Variants in MAD1L1 observed in about 807,000 individuals in gnomAD.
MAD1L1 encodes the protein mitotic spindle assembly checkpoint protein MAD1.
A neutral mutation model predicts 96.9 loss-of-function variants in MAD1L1; 95 were observed. The ratio of observed to expected loss-of-function variants is 0.98; its 90% CI spans 0.83 to 1.16. The LOEUF is 1.16. Among genes scored for constraint, MAD1L1 ranks in the 50% most tolerant of loss-of-function variants. MAD1L1 has a pLI of 0.00. For missense variants in MAD1L1, 1,007 were observed against 954.4 expected (o/e 1.06, Z -0.73); for synonymous variants, 473 against 396.6 (o/e 1.19, Z -2.29).
intron 16 of MAD1L1, among the ~76,000 whole-genome samples, chr7:1,954,894 C>T (rs1779659413): frequency 6.6e-6 from 1 of 152,072 alleles, no homozygotes; most frequent in African/African-American, 2.4e-5. Flanking sequence ...GCCCCTTCAG[C>T]GACACAAGGG....
intron 10 of MAD1L1, among the ~76,000 whole-genome samples, chr7:2,182,903 TA>T (rs1379680813): frequency 3.3e-5 from 5 of 152,142 alleles, no homozygotes; most frequent in Non-Finnish European, 1.5e-5. Flanking sequence ...ACAAATATAC[TA>T]AAAACCACCA....
intron 18 of MAD1L1, among the ~76,000 whole-genome samples, chr7:1,830,433 T>G (rs1204280905): frequency 6.6e-6 from 1 of 152,058 alleles, no homozygotes; most frequent in African/African-American, 2.4e-5. Flanking sequence ...AACATGGGCC[T>G]ACACAAGAAG....
At chr7:1,857,600 G>A (rs923802002) in intron 18 of MAD1L1, among the ~76,000 whole-genome samples, 3 of 152,256 alleles carry the variant, frequency 2.0e-5, no homozygotes, top group Non-Finnish European at 4.4e-5. Flanking sequence ...TGGGCCCGAG[G>A]ATGAGCCCCT....
intron 12 of MAD1L1, among the ~76,000 whole-genome samples, chr7:2,028,683 C>T (rs1459342862): frequency 6.6e-6 from 1 of 152,084 alleles, no homozygotes; most frequent in Non-Finnish European, 1.5e-5. Flanking sequence ...CTAACATTCT[C>T]AGGAATTGAA....
chr7:1,989,819 C>T (rs1445913576), intron 14 of MAD1L1, among the ~76,000 whole-genome samples: 1 of 152,236 alleles, frequency 6.6e-6, no homozygotes, highest in Non-Finnish European at 1.5e-5. Context: ...CCTCTGCCTA[C>T]AAGGTCCCTC....
intron 18 of MAD1L1, chr7:1,847,616 C>T: frequency 4.2e-6 from 2 of 471,038 alleles, no homozygotes. Flanking sequence ...GATCTCAGCC[C>T]TGGGCAGGCC....
chr7:1,858,301 AC>A (rs1784358235), intron 18 of MAD1L1, among the ~76,000 whole-genome samples: 1 of 152,082 alleles, frequency 6.6e-6, no homozygotes, highest in African/African-American at 2.4e-5. Context: ...GGCCAGTTGC[AC>A]CCCAAGGCCG....
intron 11 of MAD1L1, among the ~76,000 whole-genome samples, chr7:2,147,708 A>C (rs912694879): frequency 1.3e-5 from 2 of 152,232 alleles, no homozygotes; most frequent in African/African-American, 4.8e-5. Flanking sequence ...TGTGAGGACC[A>C]CCTGCCCACT....
chr7:1,846,035 G>A (rs955042210), intron 18 of MAD1L1: 30 of 152,752 alleles, frequency 2.0e-4, no homozygotes, highest in African/African-American at 6.5e-4. Context: ...TGCGTTCAGC[G>A]TCACTGGGGA....
rs75665998 is a variant in MAD1L1, at chr7:2,181,517, A to G, written c.986+31695T>C. Among the ~76,000 whole-genome samples, 911 of 152,366 alleles carry G rather than the reference A, an allele frequency of 6.0e-3. 30 individuals are homozygous for G. The East Asian group carries it at 0.073, about 12-fold the overall frequency. ...ACCTTAATCCTGCCAGAATGGCCAT[A>G]ATTTAAAAGTCAAAAAATAACAGAT... is the stretch of plus-strand genomic sequence containing the variant. On this transcript the variant is annotated intron_variant, in intron 10 of 18. Transcript: ENST00000265854.
At chr7:2,091,346 G>C (rs552700680) in intron 11 of MAD1L1, among the ~76,000 whole-genome samples, 2 of 152,184 alleles carry the variant, frequency 1.3e-5, no homozygotes, top group African/African-American at 4.8e-5. Context: ...CAGCAGTACA[G>C]GTATGTGCCA....
At chr7:2,178,805 G>A (rs1323711971) in intron 10 of MAD1L1, among the ~76,000 whole-genome samples, 2 of 151,462 alleles carry the variant, frequency 1.3e-5, no homozygotes, top group African/African-American at 4.9e-5. Flanking sequence ...GCTGAGGCAG[G>A]AGAATCACCT....
chr7:2,065,398 G>A (rs532271179), intron 12 of MAD1L1, among the ~76,000 whole-genome samples: 4 of 152,318 alleles, frequency 2.6e-5, no homozygotes, highest in East Asian at 1.9e-4. Flanking sequence ...GCCCAGCCAC[G>A]TTGGTTTTGA....
intron 11 of MAD1L1, among the ~76,000 whole-genome samples, chr7:2,104,004 A>T (rs1486326435): frequency 4.6e-5 from 7 of 152,252 alleles, no homozygotes; most frequent in Non-Finnish European, 5.9e-5. Context: ...AATGAAGGTA[A>T]GGAGTGTGCT....
Position 1,898,206 on chromosome 7 carries a change from G to T in MAD1L1, c.1992C>A (p.Ile664=). The T allele has an allele frequency of 6.2e-7, 1 of 1,608,612 alleles. No homozygotes were observed. The highest frequency in any genetic ancestry group is 8.5e-7 in the Non-Finnish European group (1 of 1,177,314). ...CGTCACACGCAGGACCCACCTTGAA[G>T]ATGAGGCAGTCGCCTGGGTGCTCGG... ...LYAEHPGDCL[I]FKATSPSGSK... is the part of the protein sequence containing the mutation. The change falls in exon 18 of 19, where the codon ATC becomes ATA. Residue 664 remains isoleucine, a synonymous_variant. Coordinates refer to ENST00000265854, the MANE Select transcript of MAD1L1 (RefSeq NM_001013836.2).
chr7:1,885,386 G>A (rs571463831), intron 18 of MAD1L1, among the ~76,000 whole-genome samples: 13 of 152,282 alleles, frequency 8.5e-5, no homozygotes, highest in Admixed American at 4.6e-4. Flanking sequence ...AGATGGAGAG[G>A]GCTTAACGAG....
chr7:2,120,241 G>A (rs1295102319), intron 11 of MAD1L1, among the ~76,000 whole-genome samples: 2 of 152,202 alleles, frequency 1.3e-5, no homozygotes, highest in Non-Finnish European at 1.5e-5. Context: ...GACTGGCTGC[G>A]GCGTGTGCTT....
At chr7:2,019,683 C>T (rs1429588293) in intron 12 of MAD1L1, among the ~76,000 whole-genome samples, 1 of 151,918 alleles carries the variant, frequency 6.6e-6, no homozygotes, top group Admixed American at 6.5e-5. Flanking sequence ...AAGGCCACGC[C>T]TCGCCACCCT....
chr7:2,126,879 T>C (rs3778984), intron 11 of MAD1L1, among the ~76,000 whole-genome samples: 44,892 of 152,024 alleles, frequency 0.3, 8,175 homozygotes, highest in East Asian at 0.51. Context: ...TAACCCCCTC[T>C]CACACTGCCA....
Sources: gnomAD v4.1 joint callset for allele counts (sites outside exome capture counted in the v4.1 genomes callset) on GRCh38, gnomAD v4.1.1 for gene constraint, MANE v1.5 for transcripts, NCBI Gene and HGNC (gene_info 2026-07-23, HGNC 2026-07-21) for gene names.